HAO1: variants seen among roughly 807,000 people sequenced by gnomAD.
HAO1 encodes the protein hydroxyacid oxidase 1.
A neutral mutation model predicts 39.7 loss-of-function variants in HAO1; 34 were observed. The ratio of observed to expected loss-of-function variants is 0.86; its 90% CI spans 0.65 to 1.14. The LOEUF (loss-of-function observed/expected upper bound fraction) is 1.14, where lower values mean the gene tolerates loss of function less well. HAO1 is among the 50% of genes most tolerant of loss of function. HAO1 has a pLI of 0.00. For missense variants in HAO1, 479 were observed against 464.5 expected, an observed-to-expected ratio of 1.03 and a Z score of -0.29; for synonymous variants, 172 against 173.2, an observed-to-expected ratio of 0.99 and a Z score of 0.05.
chr20:7,912,339 A>G (rs150927659), intron 3 of HAO1, among the ~76,000 whole-genome samples: 5 of 152,300 alleles, frequency 3.3e-5, no homozygotes, highest in African/African-American at 1.2e-4. Flanking sequence ...TCTGCACCCC[A>G]TCTAAGTAGA....
chr20:7,897,484 T>C (rs909842497), intron 4 of HAO1, among the ~76,000 whole-genome samples: 2 of 152,140 alleles, frequency 1.3e-5, no homozygotes, highest in African/African-American at 4.8e-5. Context: ...GTTCTCATTG[T>C]TGTTTTACCC....
intron 3 of HAO1, among the ~76,000 whole-genome samples, chr20:7,909,328 C>T (rs560860022): frequency 7.1e-6 from 1 of 141,732 alleles, no homozygotes; most frequent in Admixed American, 7.1e-5. Flanking sequence ...CAAAAGAAAC[C>T]TCCATGAATG....
At position 7,940,289 on chromosome 20, in the gene HAO1, G is replaced by GA. The variant is rs764219516; in HGVS notation, c.133dup (p.Ser45PhefsTer15). 2 of 1,595,338 alleles carry GA rather than the reference G, an allele frequency of 1.3e-6. No homozygotes were observed. The highest frequency in any genetic ancestry group is 2.7e-5 in the African/African-American group (2 of 73,550). ...TTTAAAAAATAAATTTTCTTACCTG[G>GA]AAAATGCTGCAATATTATCAGCCAA... On this transcript the variant is annotated frameshift_variant, in exon 1 of 8. Transcript: ENST00000378789. LOFTEE classifies it high-confidence loss of function.
chr20:7,899,184 C>T (rs993896783), intron 4 of HAO1, among the ~76,000 whole-genome samples: 2 of 151,586 alleles, frequency 1.3e-5, no homozygotes, highest in Non-Finnish European at 2.9e-5. Flanking sequence ...ATCTGCTGCT[C>T]GCTTGCTGTG....
At chr20:7,932,460 A>G (rs890540280) in intron 2 of HAO1, among the ~76,000 whole-genome samples, 2 of 152,032 alleles carry the variant, frequency 1.3e-5, no homozygotes, top group Non-Finnish European at 2.9e-5. Flanking sequence ...AATTGTTATC[A>G]TTTCCTCCTT....
chr20:7,933,904 T>C lies in HAO1; in HGVS notation c.289+580A>G, dbSNP rs549351341. 7.9e-5 allele frequency among the ~76,000 whole-genome samples: 12 copies of C among 152,328 alleles called. No individual in the cohort carries two copies. The South Asian group carries it at 1.9e-3, about 24-fold the overall frequency. ...TCCTAAGACAGCTGGAACTGCTCTATTGGGAATATAACTCATCCATAAAAA... is the reference window on the plus strand; with the variant it reads ...TCCTAAGACAGCTGGAACTGCTCTACTGGGAATATAACTCATCCATAAAAA... On this transcript the variant is annotated intron_variant, in intron 2 of 7. Coordinates refer to ENST00000378789, the MANE Select transcript of HAO1 (RefSeq NM_017545.3).
chr20:7,935,368 A>G (rs2050405505), intron 1 of HAO1, among the ~76,000 whole-genome samples: 1 of 152,172 alleles, frequency 6.6e-6, no homozygotes, highest in South Asian at 2.1e-4. Context: ...CACTTCCCCA[A>G]TCTTGAAAAT....
At chr20:7,901,121 G>T (rs2050219522) in intron 4 of HAO1, among the ~76,000 whole-genome samples, 1 of 152,080 alleles carries the variant, frequency 6.6e-6, no homozygotes, top group South Asian at 2.1e-4. Flanking sequence ...TTTGAAGTTA[G>T]CAGAGGTTGA....
chr20:7,900,397 T>A (rs1352870227), intron 4 of HAO1, among the ~76,000 whole-genome samples: 1 of 152,160 alleles, frequency 6.6e-6, no homozygotes, highest in African/African-American at 2.4e-5. Context: ...TCAAGTGGCA[T>A]TGTGGCAACC....
At chr20:7,937,402 C>T (rs1022850373) in intron 1 of HAO1, among the ~76,000 whole-genome samples, 3 of 151,860 alleles carry the variant, frequency 2.0e-5, no homozygotes, top group African/African-American at 7.3e-5. Context: ...CCTTATTCAC[C>T]TATTGTGGAT....
chr20:7,915,755 A>G (rs1048796540), intron 2 of HAO1, among the ~76,000 whole-genome samples: 3 of 152,196 alleles, frequency 2.0e-5, no homozygotes, highest in African/African-American at 7.2e-5. Flanking sequence ...TTTATGATAT[A>G]TAGATATATT....
intron 1 of HAO1, among the ~76,000 whole-genome samples, chr20:7,936,193 A>G (rs764118998): frequency 2.0e-5 from 3 of 152,258 alleles, no homozygotes; most frequent in African/African-American, 4.8e-5. Context: ...TGTGATTTCT[A>G]TGCTATTCCT....
At chr20:7,920,009 C>A (rs2050323607) in intron 2 of HAO1, among the ~76,000 whole-genome samples, 1 of 152,114 alleles carries the variant, frequency 6.6e-6, no homozygotes, top group African/African-American at 2.4e-5. Context: ...TTCATCACCT[C>A]ACCAACTGAT....
At chr20:7,922,573 G>A (rs978923594) in intron 2 of HAO1, among the ~76,000 whole-genome samples, 8 of 152,180 alleles carry the variant, frequency 5.3e-5, no homozygotes, top group African/African-American at 1.7e-4. Flanking sequence ...AATATCTAAG[G>A]AGATAATTTC....
At chr20:7,909,140 T>A (rs146248866) in intron 3 of HAO1, among the ~76,000 whole-genome samples, 3,139 of 151,914 alleles carry the variant, frequency 0.021, 45 homozygotes, top group Non-Finnish European at 0.035. Context: ...TAAATAACTG[T>A]TGTTATTCTT....
At chr20:7,892,747 A>AGTAGATAGATAGATAG in intron 5 of HAO1, among the ~76,000 whole-genome samples, 2 of 152,122 alleles carry the variant, frequency 1.3e-5, no homozygotes, top group East Asian at 1.9e-4. Flanking sequence ...CACATTACTT[A>AGTAGATAGATAGATAG]GTAGATAGAT....
At chr20:7,925,580 C>A (rs1461129196) in intron 2 of HAO1, among the ~76,000 whole-genome samples, 3 of 152,128 alleles carry the variant, frequency 2.0e-5, no homozygotes, top group Non-Finnish European at 4.4e-5. Context: ...GCATAAATGG[C>A]AGATCATATG....
intron 3 of HAO1, among the ~76,000 whole-genome samples, chr20:7,910,136 A>G (rs186617222): frequency 6.6e-6 from 1 of 152,232 alleles, no homozygotes; most frequent in Admixed American, 6.5e-5. Context: ...AATGTTTAAG[A>G]TATATAAATA....
At chr20:7,905,467 A>C (rs1216308736) in intron 4 of HAO1, among the ~76,000 whole-genome samples, 1 of 152,208 alleles carries the variant, frequency 6.6e-6, no homozygotes, top group Admixed American at 6.5e-5. Context: ...AGTTTTTGGC[A>C]GTTATCTATA....
Sources: allele counts gnomAD v4.1 joint callset (sites outside exome capture counted in the v4.1 genomes callset), GRCh38; gene constraint gnomAD v4.1.1; transcripts MANE v1.5; gene names NCBI Gene and HGNC (gene_info 2026-07-23, HGNC 2026-07-21).